The following GRM7 variants were observed in gnomAD, a reference collection of about 807,000 sequenced individuals.
GRM7 encodes metabotropic glutamate receptor 7.
A neutral mutation model predicts 84.5 loss-of-function variants in GRM7; 35 were observed. The ratio of observed to expected loss-of-function variants is 0.41; its 90% CI spans 0.32 to 0.55. GRM7 has a LOEUF of 0.55. Among genes scored for constraint, GRM7 ranks in the 20% least tolerant of loss-of-function variants. The probability of loss-of-function intolerance (pLI) is 0.19; values close to 1 mark genes in which losing one functional copy is unlikely to be tolerated. For missense variants in GRM7, 1,003 were observed against 1,194.6 expected (o/e 0.84, Z 2.36); for synonymous variants, 487 against 455.1 (o/e 1.07, Z -0.89).
chr3:7,663,500 G>A (rs552120588), intron 8 of GRM7, among the ~76,000 whole-genome samples: 1 of 152,168 alleles, frequency 6.6e-6, no homozygotes, highest in Admixed American at 6.5e-5. Flanking sequence ...AATGCCTCTG[G>A]AGGGTGCAGC....
At chr3:7,153,526 G>C (rs931665374) in intron 2 of GRM7, among the ~76,000 whole-genome samples, 3 of 152,106 alleles carry the variant, frequency 2.0e-5, no homozygotes, top group African/African-American at 7.2e-5. Flanking sequence ...ATAAATGCAT[G>C]TTGAATTTAA....
rs1263451991 is a variant in GRM7, at chr3:7,103,749, C to CCTTTCTTTCTTTCTTTCTCTTTCTTT, written c.520-42685_520-42684insCTTTCTTTCTTTCTTTCTTTCTTTCT. 2.1e-4 allele frequency among the ~76,000 whole-genome samples: 20 copies of CCTTTCTTTCTTTCTTTCTCTTTCTTT among 96,728 alleles called. 2 individuals carry two copies. The highest frequency in any genetic ancestry group is 5.9e-4 in the East Asian group (2 of 3,394). 63.5% of individuals were successfully genotyped at this position (96,728 alleles called of 152,430 possible). A position where few individuals can be genotyped will look rare whatever the true frequency, so the allele number is the denominator to read the frequency against. Reference sequence around the variant, plus strand: ...CTCTCTTTTTCTCTTTCTCTCTCTCCCTTTCTTTCTTTCTTTCTTTCTTTC... The same window carrying CCTTTCTTTCTTTCTTTCTCTTTCTTT: ...CTCTCTTTTTCTCTTTCTCTCTCTCCCTTTCTTTCTTTCTTTCTCTTTCTTTCTTTCTTTCTTTCTTTCTTTCTTTC... On this transcript the variant is annotated intron_variant, in intron 1 of 9. Transcript: ENST00000357716.
intron 1 of GRM7, among the ~76,000 whole-genome samples, chr3:7,085,519 C>T (rs74378973): frequency 0.016 from 2,481 of 152,084 alleles, 69 homozygotes; most frequent in African/African-American, 0.056. Flanking sequence ...TGGTATGTTT[C>T]GATGATCTAG....
chr3:7,475,362 C>G (rs1474624297), intron 7 of GRM7, among the ~76,000 whole-genome samples: 1 of 152,140 alleles, frequency 6.6e-6, no homozygotes, highest in African/African-American at 2.4e-5. Context: ...AGGTAACTGG[C>G]TTTTGGAAAT....
chr3:7,470,078 G>A (rs976901549), intron 7 of GRM7, among the ~76,000 whole-genome samples: 6 of 152,112 alleles, frequency 3.9e-5, no homozygotes, highest in Admixed American at 6.6e-5. Flanking sequence ...CAAGGTGTGC[G>A]CTCTCTATGT....
chr3:7,577,144 C>T (rs1381297967), intron 7 of GRM7, among the ~76,000 whole-genome samples: 1 of 152,134 alleles, frequency 6.6e-6, no homozygotes, highest in Non-Finnish European at 1.5e-5. Context: ...ATTCTATGAC[C>T]TGGGACATAA....
At chr3:7,130,937 ACT>A (rs975430580) in intron 1 of GRM7, among the ~76,000 whole-genome samples, 1 of 151,346 alleles carries the variant, frequency 6.6e-6, no homozygotes, top group African/African-American at 2.4e-5. Context: ...TTCTTCACTC[ACT>A]CACACACACA....
chr3:6,961,899 C>T (rs1026796700), intron 1 of GRM7, among the ~76,000 whole-genome samples: 1 of 152,098 alleles, frequency 6.6e-6, no homozygotes, highest in Non-Finnish European at 1.5e-5. Context: ...CTACACTACA[C>T]CATCCCATCT....
At chr3:7,490,173 A>G (rs1262005938) in intron 7 of GRM7, among the ~76,000 whole-genome samples, 3 of 152,200 alleles carry the variant, frequency 2.0e-5, no homozygotes, top group African/African-American at 7.2e-5. Flanking sequence ...CATGAAAGAT[A>G]ATATAATACA....
chr3:7,173,382 C>T (rs533189626), intron 2 of GRM7, among the ~76,000 whole-genome samples: 2 of 152,262 alleles, frequency 1.3e-5, no homozygotes, highest in East Asian at 3.9e-4. Context: ...CTCTCCCCAC[C>T]CCTCTCCGGC....
intron 2 of GRM7, among the ~76,000 whole-genome samples, chr3:7,296,811 A>C (rs1699829415): frequency 6.6e-6 from 1 of 150,834 alleles, no homozygotes; most frequent in East Asian, 1.9e-4. Flanking sequence ...ATTTTCAAAA[A>C]CAGCTTTTTT....
At chr3:7,317,993 G>A (rs1024147561) in intron 4 of GRM7, among the ~76,000 whole-genome samples, 3 of 151,846 alleles carry the variant, frequency 2.0e-5, no homozygotes, top group Non-Finnish European at 4.4e-5. Flanking sequence ...AGAAGAACAA[G>A]AAAGGGAGCC....
intron 9 of GRM7, among the ~76,000 whole-genome samples, chr3:7,736,935 A>T (rs562905202): frequency 6.6e-6 from 1 of 152,302 alleles, no homozygotes; most frequent in South Asian, 2.1e-4. Flanking sequence ...CTTAAAATAT[A>T]AAGAAATTAA....
Position 7,445,431 on chromosome 3 carries a change from C to A in GRM7, c.1175-7176C>A, listed in dbSNP as rs914147702. On this transcript the variant is annotated intron_variant, in intron 5 of 9. Transcript: ENST00000357716. ...TGCTGTGAGGGTTAAAAAGTCAAAT[C>A]ATGAAAAGTGCTTCCACAGGACCTG... 2.6e-5 allele frequency among the ~76,000 whole-genome samples: 4 copies of A among 152,124 alleles called. No homozygotes were observed. In the East Asian group the frequency reaches 7.7e-4, roughly 29 times the overall value.
At chr3:7,402,087 C>T (rs537520388) in intron 4 of GRM7, among the ~76,000 whole-genome samples, 1 of 152,248 alleles carries the variant, frequency 6.6e-6, no homozygotes, top group Admixed American at 6.5e-5. Context: ...CTCATCTCCC[C>T]AGGCAAACTG....
At chr3:7,613,072 G>T (rs1232789635) in intron 8 of GRM7, among the ~76,000 whole-genome samples, 5 of 151,546 alleles carry the variant, frequency 3.3e-5, no homozygotes, top group African/African-American at 1.2e-4. Context: ...TGTAAAGACA[G>T]TAAAAACTAT....
chr3:7,150,136 G>A (rs760534751), intron 2 of GRM7, among the ~76,000 whole-genome samples: 2 of 151,834 alleles, frequency 1.3e-5, no homozygotes, highest in Admixed American at 1.3e-4. Context: ...AGACTCAATG[G>A]CATTGTTTCA....
chr3:6,940,025 G>A (rs1031352391), intron 1 of GRM7, among the ~76,000 whole-genome samples: 1 of 152,030 alleles, frequency 6.6e-6, no homozygotes, highest in African/African-American at 2.4e-5. Flanking sequence ...ATACAATATA[G>A]GGTATTTGGA....
rs571137067 is a variant in GRM7 at position 7,138,991 on chromosome 3, C to T, written c.520-7461C>T. Among the ~76,000 whole-genome samples, 43 of 148,898 alleles carry T rather than the reference C, an allele frequency of 2.9e-4. 3 individuals carry two copies. The South Asian group carries it at 7.6e-3, about 26-fold the overall frequency. On this transcript the variant is annotated intron_variant, in intron 1 of 9. Transcript: ENST00000357716. ...ACTGTTAAGTTTGACCAAAATTTCA[C>T]CTTTACTATATTTTTTTAGTTTTTC...
Sources: allele counts gnomAD v4.1 joint callset (sites outside exome capture counted in the v4.1 genomes callset), GRCh38; gene constraint gnomAD v4.1.1; transcripts MANE v1.5; gene names NCBI Gene and HGNC (gene_info 2026-07-23, HGNC 2026-07-21).